METTL9: variants seen among roughly 807,000 people sequenced by gnomAD.
METTL9 encodes the protein protein-L-histidine N-pros-methyltransferase.
METTL9 carries 10 observed loss-of-function variants against 36.0 expected under a neutral mutation model. That is an observed-to-expected ratio of 0.28 (90% CI 0.17 to 0.47). The LOEUF is 0.47. Among genes scored for constraint, METTL9 ranks in the 20% least tolerant of loss-of-function variants. The pLI, the probability that METTL9 is intolerant of heterozygous loss-of-function variation, is 0.99. For missense variants in METTL9, 246 were observed against 383.5 expected, an observed-to-expected ratio of 0.64 and a Z score of 3.00; for synonymous variants, 175 against 149.7, an observed-to-expected ratio of 1.17 and a Z score of -1.23.
chr16:21,639,881 A>G (rs187303224), intron 4 of METTL9: 1 of 152,366 alleles, frequency 6.6e-6, no homozygotes, highest in Non-Finnish European at 1.5e-5. Flanking sequence ...TAAGTTTTAT[A>G]AAGAATACAC....
At chr16:21,606,359 T>TAAA (rs1423615540) in intron 1 of METTL9, among the ~76,000 whole-genome samples, 1 of 151,858 alleles carries the variant, frequency 6.6e-6, no homozygotes, top group Non-Finnish European at 1.5e-5. Flanking sequence ...ATAATAATAA[T>TAAA]AAACCACTTA....
At chr16:21,630,922 G>C (rs1445451211) in intron 4 of METTL9, among the ~76,000 whole-genome samples, 5 of 151,932 alleles carry the variant, frequency 3.3e-5, no homozygotes, top group Non-Finnish European at 7.4e-5. Context: ...TCCTGTAAAC[G>C]CTGGGCGGCA....
chr16:21,625,563 T>A (rs552045393), intron 4 of METTL9, among the ~76,000 whole-genome samples: 1 of 152,308 alleles, frequency 6.6e-6, no homozygotes, highest in African/African-American at 2.4e-5. Flanking sequence ...TATCTGTTTT[T>A]TTCTCTTTTG....
rs568303948 is a variant in METTL9, at chr16:21,656,249, A to G, written c.*817A>G. ...CCTGGTTCTGACTTTGTGATCACTC[A>G]TGTCCCATACACTGAACTTTGTTTT... On this transcript the variant is annotated 3_prime_UTR_variant, in exon 5 of 5. Transcript: ENST00000358154. 2 of 138,910 alleles carry G rather than the reference A, an allele frequency of 1.4e-5. 1 individual carries two copies. The highest frequency in any genetic ancestry group is 8.7e-3 in the Middle Eastern group (2 of 230). 8.6% of individuals were successfully genotyped at this position (138,910 alleles called of 1,614,324 possible).
chr16:21,608,085 G>A (rs915735433), intron 1 of METTL9, among the ~76,000 whole-genome samples: 2 of 151,882 alleles, frequency 1.3e-5, no homozygotes, highest in African/African-American at 4.8e-5. Context: ...GCAGGCAGAG[G>A]TTGCAGAGAG....
At chr16:21,648,567 TGTG>T (rs1966487075) in intron 4 of METTL9, among the ~76,000 whole-genome samples, 1 of 152,222 alleles carries the variant, frequency 6.6e-6, no homozygotes, top group Non-Finnish European at 1.5e-5. Context: ...CTGTCCACCA[TGTG>T]GTGCTCTTCC....
At chr16:21,613,197 T>G (rs1379381869) in intron 2 of METTL9, among the ~76,000 whole-genome samples, 4 of 127,912 alleles carry the variant, frequency 3.1e-5, no homozygotes, top group African/African-American at 1.3e-4. Context: ...TTTTTTTTTT[T>G]TTTTTTTAAA....
At chr16:21,618,311 G>A (rs1965603080) in intron 3 of METTL9, among the ~76,000 whole-genome samples, 1 of 152,084 alleles carries the variant, frequency 6.6e-6, no homozygotes, top group South Asian at 2.1e-4. Context: ...CAGAAGAAGG[G>A]ACTTCTTCCC....
intron 4 of METTL9, among the ~76,000 whole-genome samples, chr16:21,634,306 C>T (rs1966031621): frequency 6.6e-6 from 1 of 152,134 alleles, no homozygotes; most frequent in African/African-American, 2.4e-5. Flanking sequence ...CCCCGGGCAC[C>T]CTCAATCCTG....
At chr16:21,650,200 A>G (rs1026251784) in intron 4 of METTL9, among the ~76,000 whole-genome samples, 3 of 152,012 alleles carry the variant, frequency 2.0e-5, no homozygotes, top group African/African-American at 7.3e-5. Context: ...GCATTGTGAG[A>G]TCCTGTCTCT....
Position 21,657,367 on chromosome 16 carries a change from C to T in METTL9, c.*1935C>T, listed in dbSNP as rs762001599. ...AATTCTTGGTGGTGTGTCACCATTC[C>T]ACTAGATGGCAGTGTTGCTTACTGA... On this transcript the variant is annotated 3_prime_UTR_variant, in exon 5 of 5. Transcript: ENST00000358154. The T allele has an allele frequency of 6.6e-6, 1 of 152,022 alleles. No individual in the cohort carries two copies. Among genetic ancestry groups the T allele is most frequent in the African/African-American group, 2.4e-5 (1 of 41,384 alleles). 9.4% of individuals were successfully genotyped at this position (152,022 alleles called of 1,614,324 possible).
At chr16:21,651,218 G>A (rs748040434) in intron 4 of METTL9, among the ~76,000 whole-genome samples, 3 of 152,112 alleles carry the variant, frequency 2.0e-5, no homozygotes, top group African/African-American at 2.4e-5. Flanking sequence ...GCGAGACTCC[G>A]TCTCAAACAA....
chr16:21,647,137 TACC>T, intron 4 of METTL9: 1 of 1,614,202 alleles, frequency 6.2e-7, no homozygotes, highest in South Asian at 1.1e-5. Flanking sequence ...ACTGACCTCT[TACC>T]ACCAGTGTGG....
intron 4 of METTL9, among the ~76,000 whole-genome samples, chr16:21,650,203 C>T (rs1403360183): frequency 6.6e-6 from 1 of 152,050 alleles, no homozygotes; most frequent in Non-Finnish European, 1.5e-5. Flanking sequence ...TTGTGAGATC[C>T]TGTCTCTATA....
intron 4 of METTL9, chr16:21,654,000 T>C (rs1455315909): frequency 6.6e-6 from 1 of 152,060 alleles, no homozygotes; most frequent in African/African-American, 2.4e-5. Context: ...CATGATATAT[T>C]TTCTCATTAA....
chr16:21,617,778 C>A, intron 2 of METTL9, 87 bp from the exon 3 acceptor site: 1 of 1,157,742 alleles, frequency 8.6e-7, no homozygotes, highest in Non-Finnish European at 1.3e-6. Flanking sequence ...GTTGTTGGTG[C>A]TGAGTCACTA....
In METTL9 at chr16:21,655,227, T is replaced by C. The variant is rs1288843275; in HGVS notation, c.752T>C (p.Val251Ala). The C allele has an allele frequency of 6.2e-7, 1 of 1,612,414 alleles. No homozygotes were observed. Among genetic ancestry groups the C allele is most frequent in the African/African-American group, 1.3e-5 (1 of 74,840 alleles). The change falls in exon 5 of 5, where the codon GTA becomes GCA. Residue 251 changes from valine to alanine, a missense_variant and splice_region_variant. Coordinates refer to ENST00000358154, the MANE Select transcript of METTL9 (RefSeq NM_016025.5). ...VLPFHPYVEN[V>A]GGKWEKPSEI... is the part of the protein sequence containing the mutation. ...AACTGAATGTTCTTATTTGTATTAGTAGGTGGCAAGTGGGAGAAACCATCA... is the reference window on the plus strand; with the variant it reads ...AACTGAATGTTCTTATTTGTATTAGCAGGTGGCAAGTGGGAGAAACCATCA...
chr16:21,601,081 A>T (rs1965113458), intron 1 of METTL9, among the ~76,000 whole-genome samples: 1 of 152,168 alleles, frequency 6.6e-6, no homozygotes, highest in South Asian at 2.1e-4. Flanking sequence ...GCTTTTTTCT[A>T]TTGTTAAAGG....
chr16:21,632,525 G>A (rs999108310), intron 4 of METTL9, among the ~76,000 whole-genome samples: 4 of 152,152 alleles, frequency 2.6e-5, no homozygotes, highest in African/African-American at 7.2e-5. Flanking sequence ...TAATTTATTG[G>A]TAGTCATGCT....
Sources: gnomAD v4.1 joint callset for allele counts (sites outside exome capture counted in the v4.1 genomes callset) on GRCh38, gnomAD v4.1.1 for gene constraint, MANE v1.5 for transcripts, NCBI Gene and HGNC (gene_info 2026-07-23, HGNC 2026-07-21) for gene names.